The following MMP26 variants were observed in gnomAD, a reference collection of about 807,000 sequenced individuals.
MMP26 encodes the protein matrix metalloproteinase-26.
MMP26 carries 33 observed loss-of-function variants against 31.0 expected under a neutral mutation model. The observed-to-expected ratio is 1.06, with a 90% CI of 0.81 to 1.42. The LOEUF (loss-of-function observed/expected upper bound fraction) is 1.42, where lower values mean the gene tolerates loss of function less well. MMP26 is among the 40% of genes most tolerant of loss of function. The pLI is 0.00. For missense variants in MMP26, 347 were observed against 316.1 expected (o/e 1.10, Z -0.74); for synonymous variants, 122 against 114.9 (o/e 1.06, Z -0.40).
intron 2 of MMP26, among the ~76,000 whole-genome samples, chr11:4,974,382 A>G (rs1051501574): frequency 1.3e-5 from 2 of 151,926 alleles, no homozygotes; most frequent in African/African-American, 2.4e-5. Context: ...AAAAAAATAT[A>G]TGTATATAGT....
intron 2 of MMP26, chr11:4,849,261 T>TA: frequency 6.5e-7 from 1 of 1,537,758 alleles, no homozygotes; most frequent in Non-Finnish European, 8.7e-7. Context: ...TAGAAAGGTT[T>TA]ACTTAATCGC....
intron 2 of MMP26, among the ~76,000 whole-genome samples, chr11:4,800,209 A>C (rs1021226163): frequency 2.0e-5 from 3 of 152,218 alleles, no homozygotes; most frequent in Non-Finnish European, 4.4e-5. Flanking sequence ...CCCCTGCAGC[A>C]GGCTTCTGCC....
At chr11:4,776,218 C>A (rs1008167673) in intron 2 of MMP26, among the ~76,000 whole-genome samples, 1 of 152,070 alleles carries the variant, frequency 6.6e-6, no homozygotes, top group Non-Finnish European at 1.5e-5. Context: ...CAGGTTGATT[C>A]ATATCTTTGT....
intron 2 of MMP26, among the ~76,000 whole-genome samples, chr11:4,768,365 C>A (rs1479392331): frequency 6.6e-6 from 1 of 152,150 alleles, no homozygotes; most frequent in Non-Finnish European, 1.5e-5. Context: ...TATGAATTAT[C>A]CATGAAGAAA....
chr11:4,891,411 G>C (rs140543496), intron 2 of MMP26, among the ~76,000 whole-genome samples: 3 of 152,226 alleles, frequency 2.0e-5, no homozygotes, highest in Non-Finnish European at 4.4e-5. Context: ...TCACTATCAA[G>C]AGGACAGTAC....
chr11:4,953,021 G>T (rs1048894240), intron 2 of MMP26, among the ~76,000 whole-genome samples: 1 of 124,784 alleles, frequency 8.0e-6, no homozygotes, highest in East Asian at 2.3e-4. Flanking sequence ...AAATGAAAAG[G>T]CTAAAGTGGT....
intron 2 of MMP26, among the ~76,000 whole-genome samples, chr11:4,775,974 G>A (rs144003113): frequency 6.6e-6 from 1 of 152,128 alleles, no homozygotes. Flanking sequence ...CAAGTCTCCA[G>A]TGTCTATCAT....
intron 2 of MMP26, among the ~76,000 whole-genome samples, chr11:4,798,992 C>T (rs1294574509): frequency 2.0e-5 from 3 of 152,110 alleles, no homozygotes; most frequent in South Asian, 2.1e-4. Flanking sequence ...GCCTTTAATA[C>T]GGTTTTGTCT....
In MMP26 at chr11:4,990,759, C is replaced by T. The variant is rs916987976; in HGVS notation, c.469+13C>T. 4 of 1,613,614 alleles carry T rather than the reference C, an allele frequency of 2.5e-6. No individual in the cohort carries two copies. In the African/African-American group the frequency reaches 5.3e-5, roughly 22 times the overall value. ...TTCTGGCAGTGGGGTAAGAAATTGA[C>T]ATGGGAAGAAGGATATGTATATGCC... is the stretch of plus-strand genomic sequence containing the variant. On this transcript the variant is annotated intron_variant, in intron 5 of 7. Coordinates refer to ENST00000380390, the MANE Select transcript of MMP26 (RefSeq NM_021801.5).
intron 2 of MMP26, among the ~76,000 whole-genome samples, chr11:4,816,341 T>C (rs2133466607): frequency 6.6e-6 from 1 of 152,328 alleles, no homozygotes; most frequent in South Asian, 2.1e-4. Context: ...ATGTATTCTG[T>C]AGCTGCTGGA....
chr11:4,835,796 C>T (rs1849710611), intron 2 of MMP26, among the ~76,000 whole-genome samples: 1 of 152,168 alleles, frequency 6.6e-6, no homozygotes. Context: ...ATTAAAGAAA[C>T]TTCCAGCTAT....
At chr11:4,868,729 T>C (rs766835778) in intron 2 of MMP26, among the ~76,000 whole-genome samples, 2 of 152,168 alleles carry the variant, frequency 1.3e-5, no homozygotes, top group South Asian at 2.1e-4. Flanking sequence ...TTAAAGTTCA[T>C]ATGGAACCAA....
intron 2 of MMP26, among the ~76,000 whole-genome samples, chr11:4,941,531 A>T (rs562101457): frequency 6.6e-6 from 1 of 152,282 alleles, no homozygotes; most frequent in East Asian, 1.9e-4. Context: ...TTATCTGAAG[A>T]GTTTGTTAAA....
chr11:4,707,102 A>G (rs1847790838), intron 1 of MMP26, among the ~76,000 whole-genome samples: 1 of 152,110 alleles, frequency 6.6e-6, no homozygotes, highest in Non-Finnish European at 1.5e-5. Flanking sequence ...CTCAGAGTGG[A>G]TGTGCTGTTT....
chr11:4,734,861 T>C (rs1848219016), intron 1 of MMP26, among the ~76,000 whole-genome samples: 1 of 152,094 alleles, frequency 6.6e-6, no homozygotes, highest in African/African-American at 2.4e-5. Context: ...CTTGTATCTC[T>C]TGGCATGAGT....
At position 4,986,932 on chromosome 11, in the gene MMP26, C is replaced by CTCTCCCTCTCTCTCTCT. The variant is rs1564819722; in HGVS notation, c.-144-1136_-144-1135insTCTCCCTCTCTCTCTCT. Among the ~76,000 whole-genome samples the CTCTCCCTCTCTCTCTCT allele has an allele frequency of 2.0e-4, 12 of 60,442 alleles. 1 individual carries two copies. Among genetic ancestry groups the CTCTCCCTCTCTCTCTCT allele is most frequent in the East Asian group, 9.3e-4 (2 of 2,156 alleles). 39.7% of individuals were successfully genotyped at this position (60,442 alleles called of 152,430 possible). ...CTCTCTCTCTCTCTCTCTCTCTCTC[C>CTCTCCCTCTCTCTCTCT]CTCTCTCTCTCTCTCTCTCTCTCTC... On this transcript the variant is annotated intron_variant, in intron 2 of 7. Transcript: ENST00000380390.
chr11:4,951,219 T>C (rs10837016), intron 2 of MMP26, among the ~76,000 whole-genome samples: 88,390 of 121,424 alleles, frequency 0.73, 38,224 homozygotes, highest in Middle Eastern at 0.87. Context: ...CTGGGTGATT[T>C]TAATGCCTTA....
chr11:4,750,555 G>A (rs573121862), intron 1 of MMP26, among the ~76,000 whole-genome samples: 8 of 152,132 alleles, frequency 5.3e-5, no homozygotes, highest in Non-Finnish European at 7.4e-5. Flanking sequence ...TAAAGAAAAC[G>A]TGGTGAGTGT....
intron 1 of MMP26, among the ~76,000 whole-genome samples, chr11:4,729,997 T>A (rs1848151575): frequency 6.6e-6 from 1 of 151,898 alleles, no homozygotes; most frequent in Non-Finnish European, 1.5e-5. Flanking sequence ...GCCCTCATTT[T>A]TGTAGCTGGT....
Sources: gnomAD v4.1 joint callset for allele counts (sites outside exome capture counted in the v4.1 genomes callset) on GRCh38, gnomAD v4.1.1 for gene constraint, MANE v1.5 for transcripts, NCBI Gene and HGNC (gene_info 2026-07-23, HGNC 2026-07-21) for gene names.